Variants in CA6 observed in about 807,000 individuals in gnomAD.
The protein encoded by CA6 is carbonate dehydratase VI.
In CA6, 28 loss-of-function variants were observed where a neutral mutation model predicts 35.9. The ratio of observed to expected loss-of-function variants is 0.78; its 90% CI spans 0.58 to 1.07. The LOEUF (loss-of-function observed/expected upper bound fraction) is 1.07, where lower values mean the gene tolerates loss of function less well. Ranked by LOEUF, CA6 falls within the 50% of genes least tolerant of loss-of-function variation. The pLI, the probability that CA6 is intolerant of heterozygous loss-of-function variation, is 0.00. For missense variants in CA6, 377 were observed against 382.0 expected, an observed-to-expected ratio of 0.99 and a Z score of 0.11; for synonymous variants, 148 against 152.6, an observed-to-expected ratio of 0.97 and a Z score of 0.22.
At chr1:8,969,157 T>C (rs1020931840) in intron 6 of CA6, among the ~76,000 whole-genome samples, 4 of 151,854 alleles carry the variant, frequency 2.6e-5, no homozygotes, top group Non-Finnish European at 5.9e-5. Context: ...CTACTAAAGA[T>C]ACAAAAAATT....
chr1:8,946,826 C>CA (rs1639380025), intron 1 of CA6, among the ~76,000 whole-genome samples: 1 of 118,644 alleles, frequency 8.4e-6, no homozygotes. Context: ...TTTTTTGAGA[C>CA]AGAGTCTTGC....
chr1:8,967,894 G>A (rs1462902462), intron 6 of CA6, 78 bp downstream of exon 6: 29 of 1,369,004 alleles, frequency 2.1e-5, no homozygotes, highest in Non-Finnish European at 2.9e-5. Context: ...GCATCTCAAC[G>A]AACGTCAACA....
intron 2 of CA6, among the ~76,000 whole-genome samples, chr1:8,949,738 G>A (rs901197240): frequency 6.6e-5 from 10 of 152,196 alleles, no homozygotes; most frequent in Admixed American, 6.5e-5. Context: ...AGGACAGGCC[G>A]TGCTGCTGAA....
intron 4 of CA6, among the ~76,000 whole-genome samples, chr1:8,960,221 A>G (rs141393852): frequency 3.8e-4 from 57 of 149,606 alleles, no homozygotes; most frequent in African/African-American, 1.3e-3. Context: ...ACAGAGCGAG[A>G]CTCCGTCTCA....
At position 8,974,763 on chromosome 1, in the gene CA6, G is replaced by A. The variant is rs899854260; in HGVS notation, c.*59G>A. The A allele has an allele frequency of 2.8e-6, 2 of 724,462 alleles. No individual in the cohort carries two copies. The highest frequency in any genetic ancestry group is 4.2e-6 in the Non-Finnish European group (2 of 476,658). The allele number at this position is 724,462 out of a possible 1,614,324, so 44.9% of individuals were successfully genotyped here. On this transcript the variant is annotated 3_prime_UTR_variant, in exon 8 of 8. Coordinates refer to ENST00000377443, the MANE Select transcript of CA6 (RefSeq NM_001215.4). ...CTTGAAGCCTGACCTAGCCAGAAGT[G>A]CCTGTCCGCTGCAGCCGCACCCTAC...
At chr1:8,961,424 G>A (rs950573369) in intron 4 of CA6, among the ~76,000 whole-genome samples, 1 of 152,160 alleles carries the variant, frequency 6.6e-6, no homozygotes, top group African/African-American at 2.4e-5. Context: ...ATAGAAGGAT[G>A]AGGATGAAAT....
chr1:8,946,016 A>G, intron 1 of CA6, 51 bp downstream of exon 1: 1 of 1,126,126 alleles, frequency 8.9e-7, no homozygotes, highest in Non-Finnish European at 1.3e-6. Context: ...CACCCTTACA[A>G]CAGGACAAGT....
intron 2 of CA6, among the ~76,000 whole-genome samples, chr1:8,956,721 A>G (rs540174606): frequency 6.6e-6 from 1 of 152,304 alleles, no homozygotes; most frequent in African/African-American, 2.4e-5. Context: ...CTATTCTTAT[A>G]CCTTCGGCAA....
In CA6 at chr1:8,950,878, A is replaced by G. The variant is rs116554199; in HGVS notation, c.259+1436A>G. Among the ~76,000 whole-genome samples the G allele has an allele frequency of 3.5e-3, 540 of 152,134 alleles. 4 individuals are homozygous for G. The highest frequency in any genetic ancestry group is 0.013 in the African/African-American group (519 of 41,460). On this transcript the variant is annotated intron_variant, in intron 2 of 7. Transcript: ENST00000377443. ...GAGACCGTTTCTTTAAAATAAAAAA[A>G]TAAAAGGGTCACAGGACTTAGTGTT... is the stretch of plus-strand genomic sequence containing the variant.
At chr1:8,951,296 CT>C (rs1639526139) in intron 2 of CA6, 1 of 588,650 alleles carries the variant, frequency 1.7e-6, no homozygotes, top group African/African-American at 1.9e-5. Context: ...GAGAATGAAG[CT>C]CTGTCTGTAA....
At chr1:8,946,695 C>T (rs1325264889) in intron 1 of CA6, among the ~76,000 whole-genome samples, 1 of 152,018 alleles carries the variant, frequency 6.6e-6, no homozygotes, top group South Asian at 2.1e-4. Flanking sequence ...GTTTGCGAGA[C>T]CTTCTTTCTT....
At chr1:8,955,795 G>A (rs1265690846) in intron 2 of CA6, among the ~76,000 whole-genome samples, 1 of 152,200 alleles carries the variant, frequency 6.6e-6, no homozygotes, top group Non-Finnish European at 1.5e-5. Flanking sequence ...ATTACGTTAT[G>A]AATTTAATCA....
chr1:8,962,680 C>T, intron 5 of CA6, 24 bp downstream of exon 5: 1 of 1,596,550 alleles, frequency 6.3e-7, no homozygotes, highest in Admixed American at 1.7e-5. Flanking sequence ...ACTGTGGCTG[C>T]AGGAGGGAAG....
chr1:8,947,849 CCTT>C (rs1164306105), intron 1 of CA6, among the ~76,000 whole-genome samples: 1 of 145,194 alleles, frequency 6.9e-6, no homozygotes, highest in East Asian at 1.9e-4. Context: ...AGTACAGACA[CCTT>C]TTTTTTTTTT....
chr1:8,958,617 T>A (rs1639752689), intron 3 of CA6, among the ~76,000 whole-genome samples: 1 of 152,234 alleles, frequency 6.6e-6, no homozygotes, highest in Non-Finnish European at 1.5e-5. Context: ...CCTCATGTGA[T>A]CCCTTCAGAC....
At chr1:8,958,017 A>G (rs376830618) in intron 3 of CA6, among the ~76,000 whole-genome samples, 24 of 152,252 alleles carry the variant, frequency 1.6e-4, no homozygotes, top group African/African-American at 5.8e-4. Flanking sequence ...TTTATTTTTT[A>G]TTCACTCAGC....
rs775594831 is a variant in CA6, at chr1:8,973,772, CTT to C, written c.845-848_845-847del. Among the ~76,000 whole-genome samples the C allele has an allele frequency of 2.5e-3, 49 of 19,998 alleles. 2 individuals are homozygous for C. The highest frequency in any genetic ancestry group is 3.4e-3 in the Non-Finnish European group (42 of 12,402). 13.1% of individuals were successfully genotyped at this position (19,998 alleles called of 152,430 possible). On this transcript the variant is annotated intron_variant, in intron 7 of 7. Transcript: ENST00000377443. ...TCTTTCTTTCTTTCTTTCTTTCTTT[CTT>C]TCTTTCTTTCTTTTCCCTCCCTCCC...
Position 8,957,212 on chromosome 1 carries a change from T to C in CA6, c.335T>C (p.Phe112Ser). ...GTVYIAQQMH[F>S]HWGGASSEIS... Reference sequence around the variant, plus strand: ...GTATACATAGCCCAGCAGATGCACTTTCACTGGGGAGGTGCGTCCTCGGAG... The same window carrying C: ...GTATACATAGCCCAGCAGATGCACTCTCACTGGGGAGGTGCGTCCTCGGAG... The change falls in exon 3 of 8, where the codon TTT (phenylalanine) becomes TCT (serine). Residue 112 changes from phenylalanine to serine, a missense_variant. Phe to Ser is a radical substitution (Grantham distance 155, BLOSUM62 -2). Coordinates refer to ENST00000377443, the MANE Select transcript of CA6 (RefSeq NM_001215.4). 6.2e-7 allele frequency: 1 copy of C among 1,614,108 alleles called. No individual in the cohort carries two copies. The highest frequency in any genetic ancestry group is 8.5e-7 in the Non-Finnish European group (1 of 1,180,002).
At chr1:8,965,116 C>T (rs762630653) in intron 5 of CA6, among the ~76,000 whole-genome samples, 3 of 151,954 alleles carry the variant, frequency 2.0e-5, no homozygotes, top group Non-Finnish European at 4.4e-5. Flanking sequence ...TGGTGGTGCA[C>T]GCCTGTAATC....
Sources: allele counts gnomAD v4.1 joint callset (sites outside exome capture counted in the v4.1 genomes callset), GRCh38; gene constraint gnomAD v4.1.1; transcripts MANE v1.5; gene names NCBI Gene and HGNC (gene_info 2026-07-23, HGNC 2026-07-21).